Variants in TMEM108 observed in about 807,000 individuals in gnomAD.
The protein encoded by TMEM108 is cancer/testis antigen 124.
TMEM108 carries 12 observed loss-of-function variants against 35.1 expected under a neutral mutation model. That is an observed-to-expected ratio of 0.34 (90% CI 0.22 to 0.55). TMEM108 has a LOEUF of 0.55. Ranked by LOEUF, TMEM108 falls within the 20% of genes least tolerant of loss-of-function variation. The probability of loss-of-function intolerance (pLI) is 0.89; values close to 1 mark genes in which losing one functional copy is unlikely to be tolerated. For synonymous variants in TMEM108, 287 were observed against 308.6 expected, an observed-to-expected ratio of 0.93 and a Z score of 0.73; for missense variants, 680 against 753.3, an observed-to-expected ratio of 0.90 and a Z score of 1.14.
chr3:133,184,060 G>A (rs529298560), intron 2 of TMEM108, among the ~76,000 whole-genome samples: 3 of 152,216 alleles, frequency 2.0e-5, no homozygotes, highest in Admixed American at 6.5e-5. Context: ...CACAGCCTGC[G>A]TAACTCCCAA....
chr3:133,187,205 TTTATC>T (rs1945433400), intron 2 of TMEM108, among the ~76,000 whole-genome samples: 3 of 152,172 alleles, frequency 2.0e-5, no homozygotes, highest in Admixed American at 1.3e-4. Context: ...TTTCTTAACT[TTTATC>T]TTATATTTTA....
At chr3:133,387,064 G>T (rs1056918122) in intron 4 of TMEM108, 1 of 985,662 alleles carries the variant, frequency 1.0e-6, no homozygotes. Context: ...CTGAAATAGT[G>T]AATGTTCTAA....
intron 3 of TMEM108, among the ~76,000 whole-genome samples, chr3:133,370,568 G>T (rs867879095): frequency 6.6e-6 from 1 of 152,186 alleles, no homozygotes; most frequent in Admixed American, 6.5e-5. Flanking sequence ...GTACAAGGCA[G>T]TCTGGACTGA....
At chr3:133,149,356 T>A (rs958661694) in intron 2 of TMEM108, among the ~76,000 whole-genome samples, 41 of 152,350 alleles carry the variant, frequency 2.7e-4, no homozygotes, top group Admixed American at 2.3e-3. Context: ...GCTCACCTTT[T>A]CTTTGATGTA....
intron 3 of TMEM108, among the ~76,000 whole-genome samples, chr3:133,277,693 A>T (rs1946857047): frequency 6.6e-6 from 1 of 152,204 alleles, no homozygotes; most frequent in Non-Finnish European, 1.5e-5. Context: ...AATCTGTAAA[A>T]TGGGGCACTG....
At chr3:133,352,201 A>G (rs1316730137) in intron 3 of TMEM108, among the ~76,000 whole-genome samples, 2 of 152,170 alleles carry the variant, frequency 1.3e-5, no homozygotes, top group Non-Finnish European at 2.9e-5. Flanking sequence ...AGTTGCTGCC[A>G]TACATGCCCA....
At chr3:133,085,571 A>G (rs927841100) in intron 2 of TMEM108, among the ~76,000 whole-genome samples, 1 of 152,138 alleles carries the variant, frequency 6.6e-6, no homozygotes, top group African/African-American at 2.4e-5. Context: ...GTATGTTACA[A>G]TCAATTATAG....
At chr3:133,174,126 G>A (rs551843284) in intron 2 of TMEM108, among the ~76,000 whole-genome samples, 8 of 152,344 alleles carry the variant, frequency 5.3e-5, no homozygotes, top group South Asian at 4.1e-4. Context: ...CAGCGAGGCT[G>A]GGGGAGGGTG....
chr3:133,133,192 C>T (rs1210508758), intron 2 of TMEM108, among the ~76,000 whole-genome samples: 2 of 151,930 alleles, frequency 1.3e-5, no homozygotes, highest in East Asian at 3.9e-4. Context: ...GTATTGACTC[C>T]AATTTTGAAA....
chr3:133,045,357 A>G (rs2107671141), intron 1 of TMEM108, among the ~76,000 whole-genome samples: 1 of 152,194 alleles, frequency 6.6e-6, no homozygotes, highest in East Asian at 1.9e-4. Context: ...AACTAAGTCA[A>G]GGTTACTGTG....
chr3:133,263,094 G>A (rs1170779504), intron 3 of TMEM108, among the ~76,000 whole-genome samples: 4 of 152,292 alleles, frequency 2.6e-5, no homozygotes, highest in South Asian at 2.1e-4. Context: ...CTGACCTATT[G>A]AGAATGCCCC....
At chr3:133,042,093 G>A (rs536207475) in intron 1 of TMEM108, among the ~76,000 whole-genome samples, 4 of 152,148 alleles carry the variant, frequency 2.6e-5, no homozygotes, top group Non-Finnish European at 5.9e-5. Flanking sequence ...ATTAGTCAGG[G>A]TTAATTCATC....
At chr3:133,156,888 G>A (rs1338436363) in intron 2 of TMEM108, among the ~76,000 whole-genome samples, 1 of 152,174 alleles carries the variant, frequency 6.6e-6, no homozygotes, top group Non-Finnish European at 1.5e-5. Flanking sequence ...CACTGGGATT[G>A]TGGAAGCCAT....
At chr3:133,226,863 A>G (rs1456331787) in intron 2 of TMEM108, among the ~76,000 whole-genome samples, 3 of 152,196 alleles carry the variant, frequency 2.0e-5, no homozygotes, top group African/African-American at 7.2e-5. Context: ...ATGGACTTAC[A>G]GTTCCACATG....
At position 133,343,570 on chromosome 3, in the gene TMEM108, C is replaced by T. The variant is rs919473863; in HGVS notation, c.41-36182C>T. On this transcript the variant is annotated intron_variant, in intron 3 of 5. Transcript: ENST00000321871. ...AAGAGAACAAGGTTGCTGATTTGTGCAAAGACATGAATAAATCTTAAGTAG... is the reference window on the plus strand; with the variant it reads ...AAGAGAACAAGGTTGCTGATTTGTGTAAAGACATGAATAAATCTTAAGTAG... Among the ~76,000 whole-genome samples the T allele has an allele frequency of 2.0e-5, 3 of 151,822 alleles. No homozygotes were observed. The East Asian group carries it at 5.8e-4, about 29-fold the overall frequency.
At chr3:133,274,117 A>G (rs1946808730) in intron 3 of TMEM108, among the ~76,000 whole-genome samples, 1 of 152,188 alleles carries the variant, frequency 6.6e-6, no homozygotes, top group Admixed American at 6.5e-5. Flanking sequence ...GAACACAGGT[A>G]ATGCTGCTCT....
At chr3:133,061,298 G>A (rs144271266) in intron 2 of TMEM108, among the ~76,000 whole-genome samples, 4,100 of 147,898 alleles carry the variant, frequency 0.028, 100 homozygotes, top group South Asian at 0.061. Flanking sequence ...TGCAAGCTCC[G>A]CATCCCGGGT....
chr3:133,308,588 C>A (rs1339637793), intron 3 of TMEM108, among the ~76,000 whole-genome samples: 1 of 152,064 alleles, frequency 6.6e-6, no homozygotes, highest in East Asian at 1.9e-4. Context: ...TGAATTTTGT[C>A]GAAGGCCTTT....
intron 3 of TMEM108, among the ~76,000 whole-genome samples, chr3:133,354,723 G>C (rs1227411016): frequency 1.3e-5 from 2 of 152,040 alleles, no homozygotes; most frequent in Non-Finnish European, 2.9e-5. Flanking sequence ...CCAGCTCAGA[G>C]AGGGGCATAA....
Sources: gnomAD v4.1 joint callset for allele counts (sites outside exome capture counted in the v4.1 genomes callset) on GRCh38, gnomAD v4.1.1 for gene constraint, MANE v1.5 for transcripts, NCBI Gene and HGNC (gene_info 2026-07-23, HGNC 2026-07-21) for gene names.